Variants in LAMA2 observed in about 807,000 individuals in gnomAD.
LAMA2 encodes the protein laminin subunit alpha 2.
LAMA2 carries 269 observed loss-of-function variants against 364.8 expected under a neutral mutation model. The observed-to-expected ratio is 0.74, with a 90% confidence interval of 0.67 to 0.82. LAMA2 has a LOEUF of 0.82. LAMA2 is among the 40% of genes least tolerant of loss of function. LAMA2 has a pLI of 0.00. For missense variants in LAMA2, 3,807 were observed against 3,873.2 expected, an observed-to-expected ratio of 0.98 and a Z score of 0.45; for synonymous variants, 1,379 against 1,370.6, an observed-to-expected ratio of 1.01 and a Z score of -0.14.
intron 32 of LAMA2, among the ~76,000 whole-genome samples, chr6:129,359,854 T>C (rs1311942856): frequency 6.6e-6 from 1 of 152,114 alleles, no homozygotes; most frequent in African/African-American, 2.4e-5. Context: ...GTAGTTATTA[T>C]GCATGGGGAA....
At chr6:129,461,755 T>G (rs1377338572) in intron 49 of LAMA2, among the ~76,000 whole-genome samples, 1 of 152,010 alleles carries the variant, frequency 6.6e-6, no homozygotes, top group Non-Finnish European at 1.5e-5. Flanking sequence ...AATTTATGAT[T>G]ATAAGAGTAT....
intron 40 of LAMA2, among the ~76,000 whole-genome samples, chr6:129,414,288 T>G (rs904970239): frequency 6.6e-6 from 1 of 151,976 alleles, no homozygotes; most frequent in African/African-American, 2.4e-5. Flanking sequence ...TTCCCAAGAA[T>G]GGAAAAAGAA....
intron 1 of LAMA2, among the ~76,000 whole-genome samples, chr6:128,924,901 G>C (rs1485688695): frequency 6.6e-6 from 1 of 152,120 alleles, no homozygotes; most frequent in Non-Finnish European, 1.5e-5. Flanking sequence ...ACACCATATT[G>C]TTGAGATATT....
At chr6:129,299,134 A>T (rs13202296) in intron 21 of LAMA2, among the ~76,000 whole-genome samples, 2 of 151,584 alleles carry the variant, frequency 1.3e-5, no homozygotes, top group African/African-American at 4.8e-5. Flanking sequence ...TGGCCCAAAG[A>T]AACACCATAG....
chr6:128,961,895 A>C (rs1039970037), intron 1 of LAMA2, among the ~76,000 whole-genome samples: 3 of 151,738 alleles, frequency 2.0e-5, no homozygotes, highest in African/African-American at 7.2e-5. Flanking sequence ...TGGATACCTA[A>C]CTAAGATTTT....
intron 3 of LAMA2, among the ~76,000 whole-genome samples, chr6:129,074,380 T>C (rs1196717427): frequency 6.6e-6 from 1 of 152,238 alleles, no homozygotes; most frequent in Non-Finnish European, 1.5e-5. Flanking sequence ...TGAATTCTAA[T>C]GTTTATCTTC....
rs2114823703 is a variant in LAMA2, at chr6:129,473,267, T to A, written c.7354T>A (p.Ser2452Thr). The A allele has an allele frequency of 1.9e-6, 3 of 1,609,932 alleles. No homozygotes were observed. The highest frequency in any genetic ancestry group is 3.3e-4 in the Middle Eastern group (2 of 6,046). ...DTNQEENIAT[S>T]SSGNNFGLDL... ...TAATCAGGAGGAGAATATAGCAACT[T>A]CGTCTTCTGGAAACAACTTTGGTCT... The change falls in exon 52 of 65, where the codon TCG becomes ACG. Residue 2452 changes from serine to threonine, a missense_variant. Physicochemically the swap from Ser to Thr is moderately conservative, Grantham distance 58. This residue lies in a region of LAMA2 where 3,333 missense variants were observed against 3,345.7 expected (regional missense o/e 1.00). Transcript: ENST00000421865.
At chr6:129,162,982 A>C (rs974187456) in intron 8 of LAMA2, among the ~76,000 whole-genome samples, 2 of 152,204 alleles carry the variant, frequency 1.3e-5, no homozygotes, top group African/African-American at 2.4e-5. Flanking sequence ...TTCCAACCTC[A>C]GAGTTAAATA....
intron 12 of LAMA2, among the ~76,000 whole-genome samples, chr6:129,214,911 A>T (rs1783330301): frequency 6.6e-6 from 1 of 152,156 alleles, no homozygotes; most frequent in Non-Finnish European, 1.5e-5. Context: ...TGGACATGGA[A>T]TACCTCTCCA....
At position 129,516,446 on chromosome 6, in the gene LAMA2, G is replaced by T; in HGVS notation, c.*99G>T. On this transcript the variant is annotated 3_prime_UTR_variant, in exon 65 of 65. Coordinates refer to ENST00000421865, the MANE Select transcript of LAMA2 (RefSeq NM_000426.4). ...CTATATATGTTAATTAAACTAATTT[G>T]TGCATGTACATAGAATTCTTTCTGT... 1.7e-6 allele frequency: 2 copies of T among 1,206,302 alleles called. No individual in the cohort carries two copies. The highest frequency in any genetic ancestry group is 1.3e-5 in the South Asian group (1 of 76,854). The allele number at this position is 1,206,302 out of a possible 1,614,324, so 74.7% of individuals were successfully genotyped here.
At chr6:128,897,994 G>A (rs1776873139) in intron 1 of LAMA2, among the ~76,000 whole-genome samples, 1 of 152,182 alleles carries the variant, frequency 6.6e-6, no homozygotes, top group Non-Finnish European at 1.5e-5. Flanking sequence ...TGTTGAGTGA[G>A]TTATTTAACT....
In LAMA2 at chr6:128,983,257, T is replaced by G. The variant is rs563040589; in HGVS notation, c.113-66661T>G. Among the ~76,000 whole-genome samples the G allele has an allele frequency of 2.0e-3, 300 of 151,252 alleles. 1 individual carries two copies. Among genetic ancestry groups the G allele is most frequent in the African/African-American group, 7.0e-3 (286 of 40,618 alleles). ...GTGTAAAAGTGTTCCTATTTCTCCA[T>G]ATCCTCTCCAGCCCCTGTTGTTTCC... On this transcript the variant is annotated intron_variant, in intron 1 of 64. Transcript: ENST00000421865.
intron 1 of LAMA2, among the ~76,000 whole-genome samples, chr6:129,037,320 CAGAG>C (rs1399644728): frequency 3.9e-5 from 6 of 151,976 alleles, no homozygotes; most frequent in Non-Finnish European, 7.4e-5. Context: ...GAGAGGAAGA[CAGAG>C]AGACAGAGAC....
rs76073527 is a variant in LAMA2 at position 129,251,208 on chromosome 6, C to T, written c.1885-876C>T. On this transcript the variant is annotated intron_variant, in intron 13 of 64. Transcript: ENST00000421865. ...TAGCATTCATGTGAATGAACTAAGACAAGAAGGATTACCTAAGTGTCATAG... is the reference window on the plus strand; with the variant it reads ...TAGCATTCATGTGAATGAACTAAGATAAGAAGGATTACCTAAGTGTCATAG... Among the ~76,000 whole-genome samples, 58 of 151,554 alleles carry T rather than the reference C, an allele frequency of 3.8e-4. No homozygotes were observed. The East Asian group carries it at 0.011, about 29-fold the overall frequency.
chr6:129,429,970 T>A (rs977389188), intron 41 of LAMA2, among the ~76,000 whole-genome samples: 3 of 152,212 alleles, frequency 2.0e-5, no homozygotes, highest in Non-Finnish European at 4.4e-5. Context: ...TTAGTTTAAA[T>A]TTATTTTTTT....
chr6:129,197,951 A>T (rs1781946726), intron 12 of LAMA2, among the ~76,000 whole-genome samples: 1 of 152,272 alleles, frequency 6.6e-6, no homozygotes, highest in East Asian at 1.9e-4. Flanking sequence ...GTTATATAAA[A>T]AGCATTTTAA....
At chr6:129,388,162 C>G (rs1421154185) in intron 35 of LAMA2, among the ~76,000 whole-genome samples, 1 of 151,402 alleles carries the variant, frequency 6.6e-6, no homozygotes, top group Non-Finnish European at 1.5e-5. Flanking sequence ...GAGGCTGAGA[C>G]AGTAGAATCG....
chr6:128,941,230 T>A (rs1780134908), intron 1 of LAMA2, among the ~76,000 whole-genome samples: 1 of 152,180 alleles, frequency 6.6e-6, no homozygotes, highest in Admixed American at 6.5e-5. Context: ...ACTAAATGAC[T>A]TTATTTCGAA....
intron 1 of LAMA2, among the ~76,000 whole-genome samples, chr6:129,041,828 C>T (rs1200448828): frequency 6.6e-6 from 1 of 151,840 alleles, no homozygotes; most frequent in Admixed American, 6.6e-5. Flanking sequence ...CATAGTGAGA[C>T]CATGTCTCTA....
Sources: allele counts gnomAD v4.1 joint callset (sites outside exome capture counted in the v4.1 genomes callset), GRCh38; gene constraint gnomAD v4.1.1; regional missense constraint gnomAD v4.1.1; transcripts MANE v1.5; gene names NCBI Gene and HGNC (gene_info 2026-07-23, HGNC 2026-07-21).